The following PPP2CA variants were observed in gnomAD, a reference collection of about 807,000 sequenced individuals.
PPP2CA encodes the protein protein phosphatase 2 catalytic subunit alpha.
Under a neutral mutation model 38.8 loss-of-function variants are expected in PPP2CA, and 5 were observed. That is an observed-to-expected ratio of 0.13 (90% CI 0.07 to 0.27). The LOEUF is 0.27. PPP2CA is among the 10% of genes least tolerant of loss of function. The probability of loss-of-function intolerance (pLI) is 1.00; values close to 1 mark genes in which losing one functional copy is unlikely to be tolerated. For missense variants in PPP2CA, 88 were observed against 389.7 expected, an observed-to-expected ratio of 0.23 and a Z score of 6.52; for synonymous variants, 152 against 134.0, an observed-to-expected ratio of 1.13 and a Z score of -0.93.
chr5:134,200,263 T>A, intron 5 of PPP2CA, 72 bp downstream of exon 5: 2 of 1,463,758 alleles, frequency 1.4e-6, no homozygotes, highest in Non-Finnish European at 1.8e-6. Context: ...GTCATTAATT[T>A]AAAACTCCCT....
intron 1 of PPP2CA, among the ~76,000 whole-genome samples, chr5:134,207,902 C>T (rs4302636): frequency 0.87 from 132,791 of 152,176 alleles, 58,278 homozygotes; most frequent in Middle Eastern, 0.92. Context: ...CTACTTCATT[C>T]TGAAATTTTT....
intron 1 of PPP2CA, among the ~76,000 whole-genome samples, chr5:134,209,940 T>C (rs754088877): frequency 6.6e-6 from 1 of 152,008 alleles, no homozygotes. Context: ...TAGCCATCTG[T>C]GGTGGCACAC....
chr5:134,201,513 G>C (rs1021375160), intron 3 of PPP2CA, among the ~76,000 whole-genome samples: 2 of 152,110 alleles, frequency 1.3e-5, no homozygotes, highest in Non-Finnish European at 2.9e-5. Flanking sequence ...AAATTTTATT[G>C]TAAGTTCTTT....
At chr5:134,205,755 C>T in intron 2 of PPP2CA, 167 bp downstream of exon 2, 1 of 591,290 alleles carries the variant, frequency 1.7e-6, no homozygotes, top group Non-Finnish European at 3.0e-6. Flanking sequence ...TCCCCTTACT[C>T]AGAACGCAGA....
chr5:134,200,859 A>G, intron 4 of PPP2CA, 126 bp downstream of exon 4: 1 of 773,246 alleles, frequency 1.3e-6, no homozygotes, highest in Non-Finnish European at 2.1e-6. Flanking sequence ...CAGGGCAGAC[A>G]AGAGTGCTCA....
rs1761957099 is a variant in PPP2CA, at chr5:134,200,965, T to G, written c.576+20A>C. On this transcript the variant is annotated intron_variant, in intron 4 of 6. Transcript: ENST00000481195. ...CCCTAATAAGTTTTCTGAAAGAATT[T>G]TATCAAATAAAAGTCATACCTCATG... 1.9e-6 allele frequency: 3 copies of G among 1,561,770 alleles called. No individual in the cohort carries two copies. The highest frequency in any genetic ancestry group is 1.7e-5 in the Admixed American group (1 of 59,642).
At position 134,196,366 on chromosome 5, in the gene PPP2CA, T is replaced by A. The variant is rs759268535; in HGVS notation, c.*1406A>T. 1.3e-5 allele frequency: 2 copies of A among 152,068 alleles called. No homozygotes were observed. Among genetic ancestry groups the A allele is most frequent in the Non-Finnish European group, 2.9e-5 (2 of 67,982 alleles). 9.4% of individuals were successfully genotyped at this position (152,068 alleles called of 1,614,324 possible). A position where few individuals can be genotyped will look rare whatever the true frequency, so the allele number is the denominator to read the frequency against. ...CAAATATTAGTTCCCACAGAAGAACTTTTTTTTAAACATCTAATCCTATTC... is the reference window on the plus strand; with the variant it reads ...CAAATATTAGTTCCCACAGAAGAACATTTTTTTAAACATCTAATCCTATTC... On this transcript the variant is annotated 3_prime_UTR_variant, in exon 7 of 7. Transcript: ENST00000481195.
intron 4 of PPP2CA, 100 bp downstream of exon 4, chr5:134,200,885 T>C: frequency 1.9e-6 from 2 of 1,031,950 alleles, no homozygotes; most frequent in Non-Finnish European, 1.5e-6. Context: ...CAAGTTGTTT[T>C]TGAGAATTAT....
At chr5:134,205,793 G>T in intron 2 of PPP2CA, 129 bp downstream of exon 2, 1 of 775,246 alleles carries the variant, frequency 1.3e-6, no homozygotes, top group Non-Finnish European at 2.1e-6. Context: ...TCCAAAACCT[G>T]AACATATGCA....
intron 1 of PPP2CA, among the ~76,000 whole-genome samples, chr5:134,217,870 AG>A (rs1371305409): frequency 6.6e-6 from 1 of 152,238 alleles, no homozygotes; most frequent in Non-Finnish European, 1.5e-5. Flanking sequence ...TACAAACCTA[AG>A]CTATTGGATA....
intron 1 of PPP2CA, among the ~76,000 whole-genome samples, chr5:134,208,677 A>G (rs1762136046): frequency 6.6e-6 from 1 of 152,194 alleles, no homozygotes. Context: ...TCATAAACTG[A>G]GGGGTATATT....
intron 6 of PPP2CA, among the ~76,000 whole-genome samples, chr5:134,198,178 CAGG>C (rs1411861636): frequency 6.6e-6 from 1 of 152,086 alleles, no homozygotes; most frequent in African/African-American, 2.4e-5. Context: ...ATCACGAGGT[CAGG>C]AGATCAAGAC....
intron 1 of PPP2CA, among the ~76,000 whole-genome samples, chr5:134,221,051 C>T (rs1762430259): frequency 6.6e-6 from 1 of 152,252 alleles, no homozygotes; most frequent in Non-Finnish European, 1.5e-5. Flanking sequence ...GCCTAGGAGA[C>T]CATGAAACAA....
rs951614075 is a variant in PPP2CA at position 134,195,690 on chromosome 5, T to G, written c.*2082A>C. The G allele has an allele frequency of 7.9e-5, 12 of 152,220 alleles. No individual in the cohort carries two copies. The highest frequency in any genetic ancestry group is 1.6e-4 in the Non-Finnish European group (11 of 68,032). 9.4% of individuals were successfully genotyped at this position (152,220 alleles called of 1,614,324 possible). The stretch of plus-strand genomic sequence containing the variant: ...AAAATACATAATTTACTAACACATT[T>G]TCCTTACCATAGCCATTTTCAAAAG... On this transcript the variant is annotated 3_prime_UTR_variant, in exon 7 of 7. Coordinates refer to ENST00000481195, the MANE Select transcript of PPP2CA (RefSeq NM_002715.4).
intron 1 of PPP2CA, among the ~76,000 whole-genome samples, chr5:134,217,163 C>T (rs914706234): frequency 1.4e-4 from 22 of 152,030 alleles, no homozygotes; most frequent in African/African-American, 5.1e-4. Context: ...GCCTGTAATC[C>T]CAGCTACCCG....
chr5:134,197,853 C>G lies in PPP2CA; in HGVS notation c.858-9G>C. On this transcript the variant is annotated splice_polypyrimidine_tract_variant and intron_variant, in intron 6 of 6. Transcript: ENST00000481195. ...CTGGGTCAAACTGCAAGCTGAAAAA[C>G]AAGACCGATTCATGGTTTATGTTCC... The G allele has an allele frequency of 6.2e-7, 1 of 1,613,392 alleles. No individual in the cohort carries two copies. The highest frequency in any genetic ancestry group is 8.5e-7 in the Non-Finnish European group (1 of 1,179,436).
rs1367147292 is a variant in PPP2CA at position 134,194,682 on chromosome 5, T to C, written c.*3090A>G. The C allele has an allele frequency of 1.3e-5, 2 of 152,310 alleles. No individual in the cohort carries two copies. The highest frequency in any genetic ancestry group is 2.4e-5 in the African/African-American group (1 of 41,460). 9.4% of individuals were successfully genotyped at this position (152,310 alleles called of 1,614,324 possible). ...TGGAGTGCAATGGCACGATCTGGGCTCACTGTAACCTCCTCCTCCTGAGTT... is the reference window on the plus strand; with the variant it reads ...TGGAGTGCAATGGCACGATCTGGGCCCACTGTAACCTCCTCCTCCTGAGTT... On this transcript the variant is annotated 3_prime_UTR_variant, in exon 7 of 7. Coordinates refer to ENST00000481195, the MANE Select transcript of PPP2CA (RefSeq NM_002715.4).
At chr5:134,209,992 C>T (rs1225356861) in intron 1 of PPP2CA, among the ~76,000 whole-genome samples, 1 of 151,990 alleles carries the variant, frequency 6.6e-6, no homozygotes, top group Non-Finnish European at 1.5e-5. Flanking sequence ...CTAGGAGAAT[C>T]GCTTGAGCCC....
intron 2 of PPP2CA, among the ~76,000 whole-genome samples, chr5:134,204,269 CA>C (rs1247114615): frequency 6.6e-6 from 1 of 152,156 alleles, no homozygotes; most frequent in Non-Finnish European, 1.5e-5. Flanking sequence ...AAAATCTCCC[CA>C]AGATTTTTGG....
Sources: allele counts gnomAD v4.1 joint callset (sites outside exome capture counted in the v4.1 genomes callset), GRCh38; gene constraint gnomAD v4.1.1; transcripts MANE v1.5; gene names NCBI Gene and HGNC (gene_info 2026-07-23, HGNC 2026-07-21).